ZDHHC13: variants seen among roughly 807,000 people sequenced by gnomAD.
The protein encoded by ZDHHC13 is palmitoyltransferase ZDHHC13.
Under a neutral mutation model 86.0 loss-of-function variants are expected in ZDHHC13, and 85 were observed. That is an observed-to-expected ratio of 0.99 (90% CI 0.83 to 1.18). The LOEUF (loss-of-function observed/expected upper bound fraction) is 1.18. Among genes scored for constraint, ZDHHC13 ranks in the 50% most tolerant of loss-of-function variants. ZDHHC13 has a pLI of 0.00. For synonymous variants in ZDHHC13, 263 were observed against 246.4 expected (o/e 1.07, Z -0.63); for missense variants, 711 against 730.2 (o/e 0.97, Z 0.30).
intron 14 of ZDHHC13, 114 bp downstream of exon 14, chr11:19,166,499 TA>T: frequency 1.3e-6 from 1 of 778,338 alleles, no homozygotes; most frequent in Non-Finnish European, 2.0e-6. Flanking sequence ...ATACTCCTAA[TA>T]AAAACAAAGC....
At chr11:19,169,226 A>G in intron 14 of ZDHHC13, 1 of 985,364 alleles carries the variant, frequency 1.0e-6, no homozygotes. Context: ...TTCTCCACCT[A>G]CTGTTGGAAA....
intron 13 of ZDHHC13, 83 bp downstream of exon 13, chr11:19,165,228 C>A: frequency 7.7e-7 from 1 of 1,295,898 alleles, no homozygotes; most frequent in Non-Finnish European, 1.1e-6. Context: ...GAAGGGCATC[C>A]TAGGGCTCCA....
chr11:19,174,741 A>G (rs904105618), intron 16 of ZDHHC13, among the ~76,000 whole-genome samples: 1 of 152,268 alleles, frequency 6.6e-6, no homozygotes, highest in African/African-American at 2.4e-5. Flanking sequence ...CTGGGCCTTG[A>G]GAACTGGTAG....
intron 10 of ZDHHC13, among the ~76,000 whole-genome samples, chr11:19,159,568 T>C (rs1849853629): frequency 6.7e-6 from 1 of 150,232 alleles, no homozygotes; most frequent in Admixed American, 6.6e-5. Flanking sequence ...ATATATGCTT[T>C]ACTCTATGGT....
chr11:19,143,500 A>G (rs1463299082), intron 2 of ZDHHC13, among the ~76,000 whole-genome samples: 3 of 152,264 alleles, frequency 2.0e-5, no homozygotes, highest in African/African-American at 7.2e-5. Context: ...TTTAAAATAT[A>G]CTACAACCTG....
chr11:19,133,920 C>CATATATATATATATATATAT (rs1554961794), intron 1 of ZDHHC13, among the ~76,000 whole-genome samples: 23 of 83,388 alleles, frequency 2.8e-4, no homozygotes, highest in South Asian at 4.8e-4. Flanking sequence ...GAAAGAAGTC[C>CATATATATATATATATATAT]ATATATATAT....
chr11:19,158,915 C>T, intron 9 of ZDHHC13, 25 bp from the exon 10 acceptor site: 4 of 1,438,388 alleles, frequency 2.8e-6, no homozygotes, highest in Non-Finnish European at 3.7e-6. Context: ...ATACTAATAA[C>T]TTATATTTAT....
Position 19,147,644 on chromosome 11 carries a change from A to C in ZDHHC13, c.345A>C (p.Leu115Phe). The change falls in exon 4 of 17, where the codon TTA becomes TTC. Residue 115 changes from leucine to phenylalanine, a missense_variant. Physicochemically the swap from Leu to Phe is conservative, Grantham distance 22. Coordinates refer to ENST00000446113, the MANE Select transcript of ZDHHC13 (RefSeq NM_019028.3). ...TTGTAGATCAGTTGGGTGGAGATTT[A>C]AATTCAACTCCTCTTCACTGGGCCA... ...GAVVDQLGGD[L>F]NSTPLHWAIR... The C allele has an allele frequency of 6.2e-7, 1 of 1,603,072 alleles. No homozygotes were observed. The highest frequency in any genetic ancestry group is 8.5e-7 in the Non-Finnish European group (1 of 1,174,220).
chr11:19,147,463 G>T, intron 3 of ZDHHC13, 133 bp from the exon 4 acceptor site: 1 of 681,514 alleles, frequency 1.5e-6, no homozygotes. Flanking sequence ...CTATAGATCT[G>T]GGTGTTTTAG....
intron 2 of ZDHHC13, among the ~76,000 whole-genome samples, chr11:19,143,375 G>T (rs374700959): frequency 2.0e-4 from 30 of 152,328 alleles, no homozygotes; most frequent in African/African-American, 7.0e-4. Context: ...TGTAGCTCCA[G>T]TGCTTTTGCA....
At chr11:19,149,046 A>G (rs1382021120) in intron 4 of ZDHHC13, 141 bp from the exon 5 acceptor site, 1 of 696,552 alleles carries the variant, frequency 1.4e-6, no homozygotes, top group Non-Finnish European at 2.1e-6. Context: ...TTGGACAATC[A>G]CCATTGTTTC....
chr11:19,150,808 C>G lies in ZDHHC13; in HGVS notation c.584+17C>G, dbSNP rs749676835. On this transcript the variant is annotated intron_variant, in intron 6 of 16. Transcript: ENST00000446113. ...AGTAATTGGGTGAGTTTAATTTAGT[C>G]CACTCAATCTCATTCTTGGTTCCAA... The G allele has an allele frequency of 3.1e-6, 5 of 1,602,070 alleles. No homozygotes were observed. The South Asian group carries it at 5.6e-5, about 18-fold the overall frequency.
chr11:19,147,741 G>C, intron 4 of ZDHHC13, 68 bp downstream of exon 4: 5 of 898,370 alleles, frequency 5.6e-6, no homozygotes, highest in East Asian at 7.5e-5. Context: ...TAAAAAATCA[G>C]TTATAGACGA....
intron 1 of ZDHHC13, among the ~76,000 whole-genome samples, chr11:19,119,621 A>G (rs528597329): frequency 6.6e-6 from 1 of 151,650 alleles, no homozygotes; most frequent in South Asian, 2.1e-4. Context: ...CACTACCAGC[A>G]ACACTCCCTG....
intron 10 of ZDHHC13, among the ~76,000 whole-genome samples, chr11:19,161,517 G>C: frequency 6.6e-6 from 1 of 151,826 alleles, no homozygotes; most frequent in East Asian, 1.9e-4. Context: ...GCAATTCTAG[G>C]TTGGCTTCTC....
Position 19,172,583 on chromosome 11 carries a change from CT to C in ZDHHC13, c.1633-135del, listed in dbSNP as rs930716138. The C allele has an allele frequency of 2.3e-4, 127 of 563,148 alleles. 1 individual carries two copies. The African/African-American group carries it at 2.3e-3, about 10-fold the overall frequency. The allele number at this position is 563,148 out of a possible 1,614,324, so 34.9% of individuals were successfully genotyped here. A position where few individuals can be genotyped will look rare whatever the true frequency, so the allele number is the denominator to read the frequency against. On this transcript the variant is annotated intron_variant, in intron 15 of 16. Transcript: ENST00000446113. ...TTAAATGTTCTTTACTTCTGATTAA[CT>C]TTTTCTTTGTCCCTTTTCAAGGAGA...
intron 9 of ZDHHC13, among the ~76,000 whole-genome samples, chr11:19,156,896 A>G (rs894901473): frequency 2.6e-5 from 4 of 152,228 alleles, no homozygotes; most frequent in Non-Finnish European, 5.9e-5. Flanking sequence ...TGCTTTAGTA[A>G]CTTTTTCTTG....
intron 8 of ZDHHC13, among the ~76,000 whole-genome samples, chr11:19,154,797 T>A (rs1383146934): frequency 6.6e-6 from 1 of 152,190 alleles, no homozygotes; most frequent in Non-Finnish European, 1.5e-5. Flanking sequence ...TCTGGTCAGT[T>A]GTTCTTGGTT....
chr11:19,123,716 A>G (rs912273832), intron 1 of ZDHHC13, among the ~76,000 whole-genome samples: 1 of 152,176 alleles, frequency 6.6e-6, no homozygotes, highest in Non-Finnish European at 1.5e-5. Flanking sequence ...ATTCATTAGA[A>G]AAACAAGTAG....
Sources: gnomAD v4.1 joint callset for allele counts (sites outside exome capture counted in the v4.1 genomes callset) on GRCh38, gnomAD v4.1.1 for gene constraint, MANE v1.5 for transcripts, NCBI Gene and HGNC (gene_info 2026-07-23, HGNC 2026-07-21) for gene names.